The following ABCG2 variants were observed in gnomAD, a reference collection of about 807,000 sequenced individuals.
ABCG2 encodes the protein ATP binding cassette subfamily G member 2 (JR blood group).
Under a neutral mutation model 73.5 loss-of-function variants are expected in ABCG2, and 80 were observed. The observed-to-expected ratio is 1.09, with a 90% CI of 0.91 to 1.31. The LOEUF (loss-of-function observed/expected upper bound fraction) is 1.31, where lower values mean the gene tolerates loss of function less well. ABCG2 is among the 50% of genes most tolerant of loss of function. The pLI is 0.00. For missense variants in ABCG2, 796 were observed against 786.2 expected (o/e 1.01, Z -0.15); for synonymous variants, 269 against 282.4 (o/e 0.95, Z 0.48).
At chr4:88,225,679 C>T (rs2110134036) in intron 1 of ABCG2, among the ~76,000 whole-genome samples, 1 of 152,266 alleles carries the variant, frequency 6.6e-6, no homozygotes, top group African/African-American at 2.4e-5. Context: ...ATGACAGGCT[C>T]CTGATGGGAT....
chr4:88,151,663 C>T (rs1161470680), intron 1 of ABCG2, among the ~76,000 whole-genome samples: 4 of 150,856 alleles, frequency 2.7e-5, no homozygotes, highest in African/African-American at 7.3e-5. Flanking sequence ...GGCGTGAACC[C>T]GGGAGGTGGA....
chr4:88,093,607 G>T (rs961985637), intron 15 of ABCG2, among the ~76,000 whole-genome samples: 1 of 151,334 alleles, frequency 6.6e-6, no homozygotes, highest in African/African-American at 2.4e-5. Context: ...TCCTTATCTG[G>T]TCCCATTTTT....
chr4:88,183,489 A>C (rs921201295), intron 1 of ABCG2, among the ~76,000 whole-genome samples: 1 of 152,176 alleles, frequency 6.6e-6, no homozygotes, highest in African/African-American at 2.4e-5. Context: ...ATTCTTGAAT[A>C]CACACAACCA....
intron 2 of ABCG2, among the ~76,000 whole-genome samples, chr4:88,135,617 A>G (rs1251008218): frequency 7.1e-6 from 1 of 141,402 alleles, no homozygotes; most frequent in African/African-American, 2.6e-5. Context: ...CAATCCTTTT[A>G]TCAGCGTGAA....
At chr4:88,228,257 C>T (rs903370866) in intron 1 of ABCG2, among the ~76,000 whole-genome samples, 2 of 152,126 alleles carry the variant, frequency 1.3e-5, no homozygotes, top group Admixed American at 1.3e-4. Context: ...CAGGAGTAGA[C>T]AGCCGGACTG....
At chr4:88,164,412 C>A (rs1299718620) in intron 1 of ABCG2, among the ~76,000 whole-genome samples, 1 of 152,146 alleles carries the variant, frequency 6.6e-6, no homozygotes, top group African/African-American at 2.4e-5. Context: ...CGGGAGGGAC[C>A]TGGTGGGAGG....
Position 88,172,528 on chromosome 4 carries a change from G to C in ABCG2, c.-19-32514C>G, listed in dbSNP as rs1471231333. Among the ~76,000 whole-genome samples the C allele has an allele frequency of 2.1e-5, 3 of 143,116 alleles. No homozygotes were observed. In the East Asian group the frequency reaches 6.3e-4, roughly 30 times the overall value. 93.9% of individuals were successfully genotyped at this position (143,116 alleles called of 152,430 possible). A position where few individuals can be genotyped will look rare whatever the true frequency, so the allele number is the denominator to read the frequency against. On this transcript the variant is annotated intron_variant, in intron 1 of 15. Coordinates refer to the ABCG2 transcript ENST00000515655. ...AAGGAGGCAGAGGTTGCAGTGAGCC[G>C]AGTCACGCCACTGCACTCCAGCCTG...
intron 1 of ABCG2, among the ~76,000 whole-genome samples, chr4:88,219,970 T>C (rs112847890): frequency 2.0e-5 from 3 of 152,202 alleles, no homozygotes; most frequent in African/African-American, 7.2e-5. Context: ...TCTTCCAAAC[T>C]GAAACTTCTT....
intron 1 of ABCG2, among the ~76,000 whole-genome samples, chr4:88,185,218 G>C (rs758782866): frequency 2.0e-5 from 3 of 152,070 alleles, no homozygotes; most frequent in Non-Finnish European, 4.4e-5. Context: ...CAAAACATTA[G>C]CTGGGCGTGG....
At chr4:88,173,831 G>A (rs568372158) in intron 1 of ABCG2, among the ~76,000 whole-genome samples, 1 of 152,098 alleles carries the variant, frequency 6.6e-6, no homozygotes, top group East Asian at 1.9e-4. Context: ...AGACCCTGTC[G>A]CTACAAGAAA....
chr4:88,193,066 TA>T (rs1355957138), intron 1 of ABCG2, among the ~76,000 whole-genome samples: 4 of 151,916 alleles, frequency 2.6e-5, no homozygotes, highest in African/African-American at 9.7e-5. Context: ...CAAAATATAT[TA>T]AAAATATATA....
intron 1 of ABCG2, among the ~76,000 whole-genome samples, chr4:88,205,062 A>G (rs1560456900): frequency 6.6e-6 from 1 of 152,194 alleles, no homozygotes; most frequent in Non-Finnish European, 1.5e-5. Flanking sequence ...GTTTTCTGAA[A>G]GCTGCTTCCT....
At chr4:88,228,099 G>T (rs2110135903) in intron 1 of ABCG2, among the ~76,000 whole-genome samples, 1 of 152,350 alleles carries the variant, frequency 6.6e-6, no homozygotes, top group South Asian at 2.1e-4. Context: ...GCTTTGTACA[G>T]TTGGATAATG....
chr4:88,132,665 A>C, intron 2 of ABCG2, 30 bp from the exon 3 acceptor site: 1 of 1,612,298 alleles, frequency 6.2e-7, no homozygotes, highest in South Asian at 1.1e-5. Context: ...CTGATTTACT[A>C]TTCCATTTTA....
chr4:88,112,467 T>C (rs1292712617), intron 9 of ABCG2, among the ~76,000 whole-genome samples: 1 of 152,188 alleles, frequency 6.6e-6, no homozygotes, highest in Non-Finnish European at 1.5e-5. Flanking sequence ...CCACCCCTTC[T>C]CTGCTTAAAC....
chr4:88,168,178 T>G lies in ABCG2; in HGVS notation c.-19-28164A>C, dbSNP rs147778695. 5.9e-3 allele frequency among the ~76,000 whole-genome samples: 893 copies of G among 152,108 alleles called. 4 individuals carry two copies. The highest frequency in any genetic ancestry group is 0.02 in the African/African-American group (842 of 41,498). On this transcript the variant is annotated intron_variant, in intron 1 of 15. Transcript: ENST00000515655. ...AGCAGACAAGAGACCAATTAAGAAG[T>G]AATTCATTTGGTTATAAAGTTTATT...
At chr4:88,213,265 C>A (rs1026799744) in intron 1 of ABCG2, among the ~76,000 whole-genome samples, 1 of 152,214 alleles carries the variant, frequency 6.6e-6, no homozygotes, top group African/African-American at 2.4e-5. Context: ...TAATGCCTGA[C>A]AACTCATACT....
At chr4:88,171,274 TAA>T (rs11331423) in intron 1 of ABCG2, among the ~76,000 whole-genome samples, 16 of 129,366 alleles carry the variant, frequency 1.2e-4, no homozygotes, top group South Asian at 5.0e-4. Context: ...AAGTAAAAGT[TAA>T]AAAAAAAAAA....
chr4:88,095,474 TC>T, intron 14 of ABCG2, 45 bp downstream of exon 14: 1 of 1,522,760 alleles, frequency 6.6e-7, no homozygotes, highest in South Asian at 1.1e-5. Flanking sequence ...TTTCCATTGT[TC>T]CTAGCTTGGG....
Sources: gnomAD v4.1 joint callset for allele counts (sites outside exome capture counted in the v4.1 genomes callset) on GRCh38, gnomAD v4.1.1 for gene constraint, MANE v1.5 for transcripts, NCBI Gene and HGNC (gene_info 2026-07-23, HGNC 2026-07-21) for gene names.